KIAA1328: variants seen among roughly 807,000 people sequenced by gnomAD.
KIAA1328 encodes the protein protein hinderin.
Under a neutral mutation model 68.1 loss-of-function variants are expected in KIAA1328, and 52 were observed. The ratio of observed to expected loss-of-function variants is 0.76; its 90% CI spans 0.61 to 0.96. The LOEUF (loss-of-function observed/expected upper bound fraction) is 0.96. Among genes scored for constraint, KIAA1328 ranks in the 40% least tolerant of loss-of-function variants. The pLI, the probability that KIAA1328 is intolerant of heterozygous loss-of-function variation, is 0.00. For synonymous variants in KIAA1328, 232 were observed against 239.4 expected (o/e 0.97, Z 0.28); for missense variants, 641 against 677.6 (o/e 0.95, Z 0.60).
At chr18:36,896,859 A>C (rs2048883182) in intron 5 of KIAA1328, among the ~76,000 whole-genome samples, 1 of 152,120 alleles carries the variant, frequency 6.6e-6, no homozygotes, top group South Asian at 2.1e-4. Context: ...TTGCCATACC[A>C]CAGCTTGTAA....
intron 7 of KIAA1328, among the ~76,000 whole-genome samples, chr18:37,070,412 C>T (rs1364215721): frequency 6.6e-6 from 1 of 152,094 alleles, no homozygotes; most frequent in Non-Finnish European, 1.5e-5. Context: ...GTTTTGAAAT[C>T]TCCAAGTACA....
intron 5 of KIAA1328, among the ~76,000 whole-genome samples, chr18:36,938,358 A>G (rs1472935626): frequency 6.6e-6 from 1 of 152,128 alleles, no homozygotes; most frequent in East Asian, 1.9e-4. Context: ...ATTAGTGATG[A>G]TGAGCATTTT....
At chr18:36,974,275 T>C (rs2052371293) in intron 6 of KIAA1328, among the ~76,000 whole-genome samples, 1 of 152,206 alleles carries the variant, frequency 6.6e-6, no homozygotes, top group Non-Finnish European at 1.5e-5. Flanking sequence ...CGGAATAATG[T>C]ACATTATATT....
intron 6 of KIAA1328, among the ~76,000 whole-genome samples, chr18:37,048,685 A>T (rs1447001285): frequency 6.6e-6 from 1 of 152,176 alleles, no homozygotes; most frequent in African/African-American, 2.4e-5. Flanking sequence ...AGCCATAAAG[A>T]TCCCTATTTT....
chr18:37,176,127 G>A (rs547260476), intron 9 of KIAA1328, among the ~76,000 whole-genome samples: 42 of 152,194 alleles, frequency 2.8e-4, no homozygotes, highest in Non-Finnish European at 5.0e-4. Flanking sequence ...TTTATTTGTT[G>A]ATTTATTTAA....
intron 7 of KIAA1328, among the ~76,000 whole-genome samples, chr18:37,091,213 A>T (rs1286031685): frequency 3.9e-5 from 6 of 152,180 alleles, no homozygotes; most frequent in South Asian, 2.1e-4. Context: ...GTAAATAAAT[A>T]ACTAAGTGTC....
chr18:37,064,517 G>A (rs1383985655), intron 6 of KIAA1328, among the ~76,000 whole-genome samples: 1 of 150,296 alleles, frequency 6.7e-6, no homozygotes, highest in Admixed American at 6.7e-5. Context: ...TTTAAAAATA[G>A]GCATGGTAGA....
At position 37,060,899 on chromosome 18, in the gene KIAA1328, TGA is replaced by T. The variant is rs886782706; in HGVS notation, c.577-5989_577-5988del. On this transcript the variant is annotated intron_variant, in intron 6 of 9. Coordinates refer to ENST00000280020, the MANE Select transcript of KIAA1328 (RefSeq NM_020776.3). ...TTGGGAGGCCGAGGCAGGTGGATCA[TGA>T]GGTCAGGAGATCGAGACCATCCTGG... Among the ~76,000 whole-genome samples the T allele has an allele frequency of 8.5e-4, 130 of 152,214 alleles. 2 individuals carry two copies. The highest frequency in any genetic ancestry group is 3.1e-3 in the African/African-American group (127 of 41,538).
chr18:36,870,742 T>A (rs1443859079), intron 4 of KIAA1328, among the ~76,000 whole-genome samples: 2 of 152,224 alleles, frequency 1.3e-5, no homozygotes, highest in Non-Finnish European at 2.9e-5. Flanking sequence ...TTCACTAATA[T>A]CACTTTTTTC....
At chr18:37,007,013 T>C (rs183430502) in intron 6 of KIAA1328, among the ~76,000 whole-genome samples, 18 of 152,320 alleles carry the variant, frequency 1.2e-4, no homozygotes, top group African/African-American at 3.4e-4. Flanking sequence ...ACTTCATTTA[T>C]TTGTTAAGAT....
chr18:36,849,991 T>A (rs757457941), intron 4 of KIAA1328, among the ~76,000 whole-genome samples: 6 of 152,112 alleles, frequency 3.9e-5, no homozygotes, highest in Non-Finnish European at 5.9e-5. Context: ...TTTGTATATA[T>A]CCTCTTTGAA....
intron 6 of KIAA1328, among the ~76,000 whole-genome samples, chr18:37,017,107 T>G (rs1389569860): frequency 6.6e-6 from 1 of 152,124 alleles, no homozygotes; most frequent in Non-Finnish European, 1.5e-5. Context: ...TTTACGACTT[T>G]AAACTTTTCT....
At chr18:36,965,951 G>A (rs1475433219) in intron 6 of KIAA1328, among the ~76,000 whole-genome samples, 1 of 151,556 alleles carries the variant, frequency 6.6e-6, no homozygotes, top group Non-Finnish European at 1.5e-5. Flanking sequence ...AAGGTGTGAG[G>A]CACATTATAC....
chr18:36,901,572 C>T (rs1435886467), intron 5 of KIAA1328, among the ~76,000 whole-genome samples: 2 of 152,056 alleles, frequency 1.3e-5, no homozygotes, highest in African/African-American at 4.8e-5. Context: ...CATGAAGTCA[C>T]TGCCAGTTTT....
chr18:36,941,998 A>G (rs2050731232), intron 5 of KIAA1328, among the ~76,000 whole-genome samples: 1 of 152,258 alleles, frequency 6.6e-6, no homozygotes, highest in Non-Finnish European at 1.5e-5. Flanking sequence ...CATAAATACT[A>G]CAATAAATAT....
At chr18:37,218,017 C>A (rs769186158) in intron 9 of KIAA1328, among the ~76,000 whole-genome samples, 13 of 152,046 alleles carry the variant, frequency 8.6e-5, no homozygotes, top group Non-Finnish European at 1.5e-4. Context: ...TTCTCTTGGC[C>A]CCGATGAAGG....
intron 7 of KIAA1328, among the ~76,000 whole-genome samples, chr18:37,159,322 T>G (rs1340962395): frequency 6.6e-6 from 1 of 152,226 alleles, no homozygotes; most frequent in African/African-American, 2.4e-5. Context: ...CAGCTTGTTC[T>G]TGTCTAGAGA....
chr18:37,038,719 T>C (rs977056317), intron 6 of KIAA1328, among the ~76,000 whole-genome samples: 2 of 152,154 alleles, frequency 1.3e-5, no homozygotes, highest in Non-Finnish European at 2.9e-5. Context: ...TTGCACTGAA[T>C]AGAACTTTTA....
In KIAA1328 at chr18:37,032,171, C is replaced by A. The variant is rs564322952; in HGVS notation, c.577-34719C>A. 2.0e-4 allele frequency among the ~76,000 whole-genome samples: 30 copies of A among 152,230 alleles called. No homozygotes were observed. The South Asian group carries it at 6.2e-3, about 32-fold the overall frequency. ...CTCCAGCCAGGGCAACAGAGCAAGA[C>A]CCTGTCTCAAAAACAAAAAGTCTAC... On this transcript the variant is annotated intron_variant, in intron 6 of 9. Coordinates refer to ENST00000280020, the MANE Select transcript of KIAA1328 (RefSeq NM_020776.3).
Sources: allele counts gnomAD v4.1 joint callset (sites outside exome capture counted in the v4.1 genomes callset), GRCh38; gene constraint gnomAD v4.1.1; transcripts MANE v1.5; gene names NCBI Gene and HGNC (gene_info 2026-07-23, HGNC 2026-07-21).